The following TENM4 variants were observed in gnomAD, a reference collection of about 807,000 sequenced individuals.
TENM4 encodes the protein teneurin-4.
TENM4 carries 82 observed loss-of-function variants against 243.3 expected under a neutral mutation model. The observed-to-expected ratio is 0.34, with a 90% CI of 0.28 to 0.40. TENM4 has a LOEUF of 0.40. TENM4 is among the 10% of genes least tolerant of loss of function. TENM4 has a pLI of 1.00. For synonymous variants in TENM4, 1,412 were observed against 1,456.3 expected, an observed-to-expected ratio of 0.97 and a Z score of 0.69; for missense variants, 3,138 against 3,673.3, an observed-to-expected ratio of 0.85 and a Z score of 3.77.
At chr11:78,968,786 A>C (rs1442227175) in intron 6 of TENM4, among the ~76,000 whole-genome samples, 1 of 152,248 alleles carries the variant, frequency 6.6e-6, no homozygotes, top group Non-Finnish European at 1.5e-5. Context: ...ATGACAACCC[A>C]TAACTTCAAT....
intron 6 of TENM4, among the ~76,000 whole-genome samples, chr11:79,042,081 G>A (rs928019751): frequency 6.6e-6 from 1 of 152,128 alleles, no homozygotes; most frequent in African/African-American, 2.4e-5. Flanking sequence ...TAAAATCCCT[G>A]GAGGAAAGAA....
intron 1 of TENM4, among the ~76,000 whole-genome samples, chr11:79,377,868 T>C (rs1444789107): frequency 6.7e-6 from 1 of 148,952 alleles, no homozygotes; most frequent in Non-Finnish European, 1.5e-5. Context: ...CAAAACAAAA[T>C]ACAATTAAAA....
intron 6 of TENM4, among the ~76,000 whole-genome samples, chr11:78,936,926 T>A (rs1856798599): frequency 6.6e-6 from 1 of 152,124 alleles, no homozygotes; most frequent in Non-Finnish European, 1.5e-5. Context: ...TAAAACTACA[T>A]GTATTTGTAC....
At chr11:79,372,119 T>C (rs756306354) in intron 1 of TENM4, among the ~76,000 whole-genome samples, 1 of 152,194 alleles carries the variant, frequency 6.6e-6, no homozygotes, top group Non-Finnish European at 1.5e-5. Flanking sequence ...ACCAAAAGTT[T>C]GGAATAGAAA....
intron 28 of TENM4, among the ~76,000 whole-genome samples, 190 bp from the exon 29 acceptor site, chr11:78,688,416 A>C (rs1858739163): frequency 6.6e-6 from 1 of 152,138 alleles, no homozygotes; most frequent in East Asian, 1.9e-4. Context: ...CCACCTGCTG[A>C]TATCCAGCTG....
At position 78,658,157 on chromosome 11, in the gene TENM4, G is replaced by A. The variant is rs61740576; in HGVS notation, c.8211C>T (p.Tyr2737=). 1.3e-4 allele frequency: 210 copies of A among 1,614,004 alleles called. No individual in the cohort carries two copies. The highest frequency in any genetic ancestry group is 3.5e-4 in the Admixed American group (21 of 60,024). Residue 2737 remains tyrosine, a synonymous_variant, in exon 34 of 34, where the codon TAC becomes TAT. Coordinates refer to ENST00000278550, the MANE Select transcript of TENM4 (RefSeq NM_001098816.3). ...CGACAGAGATCACGAAAAAGCCGTCGTAGCCTTGCACCCGCCCTGTGCTCA... is the reference window on the plus strand; with the variant it reads ...CGACAGAGATCACGAAAAAGCCGTCATAGCCTTGCACCCGCCCTGTGCTCA... ...QVLSTGRVQG[Y]DGFFVISVEQ...
chr11:79,190,229 C>T (rs1192480515), intron 3 of TENM4, among the ~76,000 whole-genome samples: 1 of 152,180 alleles, frequency 6.6e-6, no homozygotes, highest in Non-Finnish European at 1.5e-5. Flanking sequence ...CACAAACTCC[C>T]GTGGCTGCCT....
intron 3 of TENM4, among the ~76,000 whole-genome samples, chr11:79,168,137 G>A: frequency 6.6e-6 from 1 of 152,236 alleles, no homozygotes; most frequent in East Asian, 1.9e-4. Flanking sequence ...CTCTGGGTCT[G>A]AGTAAAGGGG....
chr11:78,903,717 C>A (rs988045851), intron 6 of TENM4, 194 bp from the exon 7 acceptor site: 28 of 920,304 alleles, frequency 3.0e-5, no homozygotes, highest in Non-Finnish European at 1.5e-5. Flanking sequence ...ATACCTTAAC[C>A]AACTAAACAG....
At position 78,747,754 on chromosome 11, in the gene TENM4, C is replaced by G. The variant is rs185427620; in HGVS notation, c.2756+9051G>C. 2.1e-3 allele frequency among the ~76,000 whole-genome samples: 321 copies of G among 152,302 alleles called. 2 individuals carry two copies. The highest frequency in any genetic ancestry group is 7.3e-3 in the African/African-American group (303 of 41,554). ...TCTGCAAGGCCTGATCCTATATTCT[C>G]TATTGAGGGCAATATTAGTAATGTG... On this transcript the variant is annotated intron_variant, in intron 19 of 33. Transcript: ENST00000278550.
chr11:79,106,795 A>G (rs941010215), intron 4 of TENM4, among the ~76,000 whole-genome samples: 38 of 152,228 alleles, frequency 2.5e-4, no homozygotes, highest in African/African-American at 9.2e-4. Flanking sequence ...TGCTTTTTCT[A>G]CAACAGCCTG....
Position 78,738,503 on chromosome 11 carries a change from T to C in TENM4, c.2824A>G (p.Ser942Gly), listed in dbSNP as rs1312733916. Residue 942 changes from serine to glycine, a missense_variant, in exon 20 of 34, where the codon AGT becomes GGT. Ser to Gly is a moderately conservative substitution (Grantham distance 56). This residue lies in a region of TENM4 where 2,467 missense variants were observed against 3,059.1 expected (regional missense o/e 0.81). Transcript: ENST00000278550. ...DGTPLVGVNI[S>G]FVNNPLFGYT... is the part of the protein sequence containing the mutation. Reference sequence around the variant, plus strand: ...CCAAAGAGAGGGTTATTGACAAAACTGATGTTCACACCAACCAGGGGGGTT... The same window carrying C: ...CCAAAGAGAGGGTTATTGACAAAACCGATGTTCACACCAACCAGGGGGGTT... 1.2e-6 allele frequency: 2 copies of C among 1,613,960 alleles called. No individual in the cohort carries two copies. Among genetic ancestry groups the C allele is most frequent in the East Asian group, 2.2e-5 (1 of 44,878 alleles).
chr11:79,003,994 GAAA>G (rs34985685), intron 6 of TENM4, among the ~76,000 whole-genome samples: 7 of 131,008 alleles, frequency 5.3e-5, no homozygotes, highest in South Asian at 2.4e-4. Flanking sequence ...TCTAATTTCA[GAAA>G]AAAAAAAAAA....
At chr11:78,860,506 T>G (rs1406700436) in intron 10 of TENM4, among the ~76,000 whole-genome samples, 1 of 152,246 alleles carries the variant, frequency 6.6e-6, no homozygotes, top group Non-Finnish European at 1.5e-5. Context: ...ATCAGCTGTC[T>G]TCTTGAATAT....
chr11:79,204,229 A>G (rs1052751395), intron 3 of TENM4, among the ~76,000 whole-genome samples: 1 of 152,224 alleles, frequency 6.6e-6, no homozygotes, highest in Non-Finnish European at 1.5e-5. Context: ...CAAATAGTAA[A>G]AAGCACTGAA....
intron 6 of TENM4, among the ~76,000 whole-genome samples, chr11:78,944,177 TG>T (rs1856963000): frequency 6.6e-6 from 1 of 152,120 alleles, no homozygotes; most frequent in African/African-American, 2.4e-5. Context: ...GAAATCTGCC[TG>T]GGATGAACTA....
chr11:79,355,003 T>A (rs1377898647), intron 1 of TENM4, among the ~76,000 whole-genome samples: 4 of 152,210 alleles, frequency 2.6e-5, no homozygotes, highest in Non-Finnish European at 5.9e-5. Context: ...AGCGGCTAAC[T>A]GGGTCTACAT....
Position 78,910,427 on chromosome 11 carries a change from C to G in TENM4, c.494-6904G>C, listed in dbSNP as rs573587252. ...GACATGGGATGGTGATGTAGCAGTG[C>G]TGAGAGCTTAGCTAATGAATCTTGG... On this transcript the variant is annotated intron_variant, in intron 6 of 33. Coordinates refer to ENST00000278550, the MANE Select transcript of TENM4 (RefSeq NM_001098816.3). Among the ~76,000 whole-genome samples, 3 of 151,816 alleles carry G rather than the reference C, an allele frequency of 2.0e-5. No individual in the cohort carries two copies. The East Asian group carries it at 5.8e-4, about 30-fold the overall frequency.
intron 6 of TENM4, among the ~76,000 whole-genome samples, chr11:79,031,251 T>C (rs1212591109): frequency 6.6e-6 from 1 of 152,156 alleles, no homozygotes; most frequent in Non-Finnish European, 1.5e-5. Flanking sequence ...ACAAAATGCC[T>C]ACATACAGAT....
Sources: gnomAD v4.1 joint callset for allele counts (sites outside exome capture counted in the v4.1 genomes callset) on GRCh38, gnomAD v4.1.1 for gene constraint, gnomAD v4.1.1 regional missense constraint, MANE v1.5 for transcripts, NCBI Gene and HGNC (gene_info 2026-07-23, HGNC 2026-07-21) for gene names.